The following MED23 variants were observed in gnomAD, a reference collection of about 807,000 sequenced individuals.
The protein encoded by MED23 is mediator complex subunit 23.
A neutral mutation model predicts 163.9 loss-of-function variants in MED23; 105 were observed. The observed-to-expected ratio is 0.64, with a 90% CI of 0.55 to 0.75. MED23 has a LOEUF of 0.75. Among genes scored for constraint, MED23 ranks in the 30% least tolerant of loss-of-function variants. The pLI is 0.00. For missense variants in MED23, 1,054 were observed against 1,649.0 expected (o/e 0.64, Z 6.25); for synonymous variants, 561 against 565.6 (o/e 0.99, Z 0.12).
At chr6:131,594,413 G>T in intron 22 of MED23, 78 bp from the exon 23 acceptor site, 2 of 1,102,050 alleles carry the variant, frequency 1.8e-6, no homozygotes, top group Non-Finnish European at 2.8e-6. Context: ...CTGCTTTCCA[G>T]ATAACTGAAA....
chr6:131,593,963 A>G, intron 23 of MED23, 136 bp downstream of exon 23: 1 of 686,676 alleles, frequency 1.5e-6, no homozygotes, highest in Non-Finnish European at 2.4e-6. Flanking sequence ...ATCTTTACAG[A>G]GATGAAAATG....
chr6:131,624,980 C>G lies in MED23; in HGVS notation c.169G>C (p.Glu57Gln). The change falls in exon 4 of 29, where the codon GAA becomes CAA. Residue 57 changes from glutamate to glutamine, a missense_variant. Around this residue, in one of 11 missense-constraint regions of MED23, gnomAD observed 227 missense variants for 235.5 expected, o/e 0.96. Coordinates refer to ENST00000368068, the MANE Select transcript of MED23 (RefSeq NM_004830.4). Reference protein sequence around the residue: ...FWGGLSQESHEQCIQWIVKFI... With the variant: ...FWGGLSQESHQQCIQWIVKFI... ...TTAACAATCCACTGGATACACTGTT[C>G]ATGAGACTCCTGGAAAATGAGAGAA... 2 of 1,613,602 alleles carry G rather than the reference C, an allele frequency of 1.2e-6. No individual in the cohort carries two copies. The highest frequency in any genetic ancestry group is 1.7e-6 in the Non-Finnish European group (2 of 1,179,910).
upstream of MED23, chr6:131,628,263 C>T (rs112145156): frequency 4.2e-3 from 2,455 of 584,726 alleles, 54 homozygotes; most frequent in African/African-American, 0.042. Context: ...CGGTACGCGC[C>T]GTTTGCAAAC....
chr6:131,590,349 C>G lies in MED23; in HGVS notation c.3780G>C (p.Gln1260His). ...CTATCATACAACGAGTTCTCTCTTG[C>G]TGAAATCTTTGTAAAAATGGTCCAA... ...HLVGPFLQRF[Q>H]QERTRCMIEI... Residue 1260 changes from glutamine (Q) to histidine (H), a missense_variant, in exon 27 of 29, where the codon CAG (glutamine) becomes CAC (histidine). Gln to His is a conservative substitution (Grantham distance 24). Coordinates refer to ENST00000368068, the MANE Select transcript of MED23 (RefSeq NM_004830.4). 6.2e-7 allele frequency: 1 copy of G among 1,612,442 alleles called. No homozygotes were observed. The highest frequency in any genetic ancestry group is 8.5e-7 in the Non-Finnish European group (1 of 1,178,740).
At chr6:131,625,115 G>A in intron 3 of MED23, 126 bp from the exon 4 acceptor site, 1 of 1,090,078 alleles carries the variant, frequency 9.2e-7, no homozygotes, top group Non-Finnish European at 1.3e-6. Context: ...ATCTGTGGAT[G>A]AAAATAATTT....
intron 5 of MED23, 144 bp from the exon 6 acceptor site, chr6:131,622,123 T>C: frequency 1.7e-6 from 1 of 605,282 alleles, no homozygotes. Context: ...TCCCTAACAT[T>C]AACCCAACAG....
At chr6:131,625,838 C>G (rs928217255) in intron 3 of MED23, among the ~76,000 whole-genome samples, 1 of 152,022 alleles carries the variant, frequency 6.6e-6, no homozygotes, top group Admixed American at 6.5e-5. Context: ...AAAAGATACT[C>G]TCAGCCGGGC....
intron 27 of MED23, among the ~76,000 whole-genome samples, 174 bp from the exon 28 acceptor site, chr6:131,589,770 A>G (rs961816638): frequency 2.0e-5 from 3 of 151,382 alleles, no homozygotes; most frequent in Non-Finnish European, 4.4e-5. Flanking sequence ...TTGCATTTAT[A>G]AAAGAATCTA....
At chr6:131,612,144 G>A (rs1045593754) in intron 10 of MED23, among the ~76,000 whole-genome samples, 2 of 151,876 alleles carry the variant, frequency 1.3e-5, no homozygotes, top group East Asian at 1.9e-4. Context: ...CTAATGCTCC[G>A]GTACCTGATG....
downstream of MED23, chr6:131,583,712 A>T: frequency 3.1e-6 from 5 of 1,605,692 alleles, no homozygotes; most frequent in Non-Finnish European, 4.3e-6. Flanking sequence ...ACTATTTTAT[A>T]AATTACATTA....
intron 22 of MED23, 23 bp downstream of exon 22, chr6:131,595,924 A>G: frequency 6.3e-7 from 1 of 1,582,826 alleles, no homozygotes; most frequent in Non-Finnish European, 8.7e-7. Context: ...TATTAGACGA[A>G]ATTAAAATTG....
chr6:131,592,646 TA>T (rs1774731227), intron 24 of MED23, 186 bp from the exon 25 acceptor site: 4 of 624,772 alleles, frequency 6.4e-6, no homozygotes, highest in Middle Eastern at 4.3e-4. Flanking sequence ...GAAGGCTTTT[TA>T]AAAATACTTC....
chr6:131,615,664 C>T (rs1165066378), intron 10 of MED23: 7 of 600,044 alleles, frequency 1.2e-5, no homozygotes, highest in South Asian at 1.8e-5. Context: ...TTGAAACTGG[C>T]CTTATAGAAA....
At chr6:131,603,314 C>T (rs771288914) in intron 15 of MED23, 110 bp from the exon 16 acceptor site, 1 of 976,718 alleles carries the variant, frequency 1.0e-6, no homozygotes, top group Middle Eastern at 2.1e-4. Flanking sequence ...TGAAAATACA[C>T]ACGCCCACAC....
In MED23 at chr6:131,598,317, A is replaced by C. The variant is rs761515957; in HGVS notation, c.2577T>G (p.Ile859Met). The C allele has an allele frequency of 5.6e-6, 9 of 1,613,900 alleles. No individual in the cohort carries two copies. The Admixed American group carries it at 6.7e-5, about 12-fold the overall frequency. ...AGAGAATTAATCTGTCCAGTGTAAC[A>C]ATGTTATACTTCCATACCATGTCAT... Reference protein sequence around the residue: ...ILNDMVWKYNIVTLDRLILCL... With the variant: ...ILNDMVWKYNMVTLDRLILCL... The change falls in exon 20 of 29, where the codon ATT (isoleucine) becomes ATG (methionine). Residue 859 changes from isoleucine (I) to methionine (M), a missense_variant. Physicochemically the swap from Ile to Met is conservative, Grantham distance 10. Transcript: ENST00000368068. This position sits in a 1 kb window ranked among gnomAD's most constrained non-coding sequence, Gnocchi z 4.7.
intron 23 of MED23, among the ~76,000 whole-genome samples, chr6:131,593,474 A>G: frequency 6.6e-6 from 1 of 152,352 alleles, no homozygotes; most frequent in Non-Finnish European, 1.5e-5. Flanking sequence ...AGACATTAAT[A>G]TGAAAATTAT....
At chr6:131,619,633 GT>G (rs956430510) in intron 8 of MED23, among the ~76,000 whole-genome samples, 193 bp downstream of exon 8, 3 of 152,130 alleles carry the variant, frequency 2.0e-5, no homozygotes, top group African/African-American at 7.2e-5. Context: ...ATTCCAGAGA[GT>G]TTCTTTTTCC....
chr6:131,604,123 C>T lies in MED23; in HGVS notation c.1756+55G>A. The T allele has an allele frequency of 4.4e-6, 7 of 1,594,650 alleles. No individual in the cohort carries two copies. The South Asian group carries it at 6.6e-5, about 15-fold the overall frequency. On this transcript the variant is annotated intron_variant, in intron 15 of 28. Coordinates refer to ENST00000368068, the MANE Select transcript of MED23 (RefSeq NM_004830.4). ...GTGTCCCCAGGACCTAGAAAAGTAA[C>T]TTTAGAGTTAATGAATGGGTTAATA...
intron 20 of MED23, among the ~76,000 whole-genome samples, chr6:131,597,611 AAC>A (rs1168156386): frequency 6.6e-6 from 1 of 152,104 alleles, no homozygotes; most frequent in Admixed American, 6.5e-5. Flanking sequence ...TCTGTAAAGA[AAC>A]ACAGTGACTT....
Sources: gnomAD v4.1 joint callset for allele counts (sites outside exome capture counted in the v4.1 genomes callset) on GRCh38, gnomAD v4.1.1 for gene constraint, gnomAD v4.1.1 regional missense constraint, Gnocchi (gnomAD v3.1) non-coding constraint, MANE v1.5 for transcripts, NCBI Gene and HGNC (gene_info 2026-07-23, HGNC 2026-07-21) for gene names.